The following TEK variants were observed in gnomAD, a reference collection of about 807,000 sequenced individuals.
TEK encodes TEK receptor tyrosine kinase, also known as angiopoietin-1 receptor.
TEK carries 43 observed loss-of-function variants against 131.8 expected under a neutral mutation model. That is an observed-to-expected ratio of 0.33 (90% CI 0.26 to 0.42). The LOEUF (loss-of-function observed/expected upper bound fraction) is 0.42. Ranked by LOEUF, TEK falls within the 10% of genes least tolerant of loss-of-function variation. The pLI, the probability that TEK is intolerant of heterozygous loss-of-function variation, is 1.00. For missense variants in TEK, 1,162 were observed against 1,384.4 expected (o/e 0.84, Z 2.55); for synonymous variants, 580 against 491.6 (o/e 1.18, Z -2.38).
intron 6 of TEK, 70 bp downstream of exon 6, chr9:27,173,432 C>A (rs1824040477): frequency 6.3e-7 from 1 of 1,597,102 alleles, no homozygotes; most frequent in South Asian, 1.1e-5. Flanking sequence ...AGTTTGCTGT[C>A]AATCACAACA....
chr9:27,184,243 A>G (rs1324356796), intron 8 of TEK, among the ~76,000 whole-genome samples: 1 of 152,104 alleles, frequency 6.6e-6, no homozygotes, highest in Non-Finnish European at 1.5e-5. Context: ...CACAGCAGTT[A>G]TTTTTTGTTT....
chr9:27,133,923 G>A (rs1822320867), intron 1 of TEK, among the ~76,000 whole-genome samples: 1 of 152,240 alleles, frequency 6.6e-6, no homozygotes, highest in Non-Finnish European at 1.5e-5. Context: ...ACAGCCCAGA[G>A]CTGGAAGTGA....
In TEK at chr9:27,192,572, G is replaced by C. The variant is rs1186603557; in HGVS notation, c.1573G>C (p.Gly525Arg). 1 of 1,613,818 alleles carries C rather than the reference G, an allele frequency of 6.2e-7. No homozygotes were observed. The highest frequency in any genetic ancestry group is 8.5e-7 in the Non-Finnish European group (1 of 1,179,946). The change falls in exon 11 of 23, where the codon GGT becomes CGT. Residue 525 changes from glycine to arginine, a missense_variant. Coordinates refer to ENST00000380036, the MANE Select transcript of TEK (RefSeq NM_000459.5). ...TGTGCAACTGGTCCGTCGTGGAGAGGGTGGGGAAGGGCATCCTGGACCTGT... is the reference window on the plus strand; with the variant it reads ...TGTGCAACTGGTCCGTCGTGGAGAGCGTGGGGAAGGGCATCCTGGACCTGT... ...LCVQLVRRGE[G>R]GEGHPGPVRR...
intron 3 of TEK, among the ~76,000 whole-genome samples, chr9:27,168,955 G>A (rs1289905196): frequency 7.2e-5 from 11 of 152,210 alleles, no homozygotes. Context: ...AACATGGGAA[G>A]CCAATTGTTA....
chr9:27,150,147 C>T (rs534920286), intron 1 of TEK, among the ~76,000 whole-genome samples: 329 of 152,282 alleles, frequency 2.2e-3, no homozygotes, highest in African/African-American at 7.6e-3. Flanking sequence ...GATGTATATA[C>T]ATTCCATATT....
intron 1 of TEK, among the ~76,000 whole-genome samples, chr9:27,109,992 A>G (rs200192064): frequency 6.1e-4 from 6 of 9,910 alleles, no homozygotes; most frequent in Non-Finnish European, 2.0e-3. Context: ...TTTAAAGAAC[A>G]AACCGGTTTT....
intron 21 of TEK, among the ~76,000 whole-genome samples, chr9:27,220,690 G>A (rs1826028906): frequency 6.6e-6 from 1 of 152,202 alleles, no homozygotes; most frequent in Non-Finnish European, 1.5e-5. Flanking sequence ...GCAAGGGGTT[G>A]GGGAACTCCC....
At chr9:27,182,975 G>A (rs918319329) in intron 7 of TEK, among the ~76,000 whole-genome samples, 3 of 152,208 alleles carry the variant, frequency 2.0e-5, no homozygotes, top group Non-Finnish European at 4.4e-5. Flanking sequence ...CCCAATGAAT[G>A]AGACATCTCT....
At chr9:27,160,305 G>A (rs993267409) in intron 2 of TEK, among the ~76,000 whole-genome samples, 1 of 152,154 alleles carries the variant, frequency 6.6e-6, no homozygotes, top group Non-Finnish European at 1.5e-5. Flanking sequence ...GATTATAGGT[G>A]TGAGCCCACC....
chr9:27,220,056 A>G lies in TEK; in HGVS notation c.3111A>G (p.Thr1037=). The G allele has an allele frequency of 6.2e-7, 1 of 1,614,046 alleles. No individual in the cohort carries two copies. ...GCACTGTTTGTCTTCCAGGAGGCAC[A>G]CCCTACTGCGGGATGACTTGTGCAG... ...LLWEIVSLGG[T]PYCGMTCAEL... Residue 1037 remains threonine, a synonymous_variant, in exon 21 of 23, where the codon ACA becomes ACG. Coordinates refer to ENST00000380036, the MANE Select transcript of TEK (RefSeq NM_000459.5).
At chr9:27,192,428 C>G in intron 10 of TEK, 61 bp from the exon 11 acceptor site, 2 of 1,604,874 alleles carry the variant, frequency 1.2e-6, no homozygotes, top group Non-Finnish European at 1.7e-6. Context: ...TAACAACAAC[C>G]CCGGCTTAAG....
Position 27,192,514 on chromosome 9 carries a change from C to G in TEK, c.1515C>G (p.Asn505Lys), listed in dbSNP as rs1240033514. The change falls in exon 11 of 23, where the codon AAC becomes AAG. Residue 505 changes from asparagine (N) to lysine (K), a missense_variant. Asn to Lys is a moderately conservative substitution (Grantham distance 94, BLOSUM62 0). Transcript: ENST00000380036. ...IQVTNEIVTL[N>K]YLEPRTEYEL... is the part of the protein sequence containing the mutation. ...TGACAAATGAGATTGTTACACTCAA[C>G]TATTTGGAACCTCGGACAGAATATG... 2 of 1,613,962 alleles carry G rather than the reference C, an allele frequency of 1.2e-6. No individual in the cohort carries two copies. The highest frequency in any genetic ancestry group is 1.7e-6 in the Non-Finnish European group (2 of 1,179,930).
intron 1 of TEK, among the ~76,000 whole-genome samples, 192 bp downstream of exon 1, chr9:27,109,834 T>C (rs1821263180): frequency 6.6e-6 from 1 of 152,152 alleles, no homozygotes; most frequent in Non-Finnish European, 1.5e-5. Flanking sequence ...CATGAACTGA[T>C]TTTGCTAGTT....
chr9:27,158,702 C>T (rs1823434026), intron 2 of TEK, among the ~76,000 whole-genome samples: 1 of 150,248 alleles, frequency 6.7e-6, no homozygotes, highest in African/African-American at 2.5e-5. Context: ...ACTCTGTCAC[C>T]GGACTAGAGT....
At chr9:27,184,947 GA>G (rs1360035323) in intron 8 of TEK, among the ~76,000 whole-genome samples, 1 of 151,800 alleles carries the variant, frequency 6.6e-6, no homozygotes, top group Non-Finnish European at 1.5e-5. Context: ...GAGGTGGGGG[GA>G]TCACTTAAGG....
intron 2 of TEK, 111 bp downstream of exon 2, chr9:27,158,253 CT>C (rs1823415664): frequency 8.1e-7 from 1 of 1,233,020 alleles, no homozygotes; most frequent in African/African-American, 1.5e-5. Context: ...GAATGTAGAG[CT>C]TGACGATCTT....
intron 18 of TEK, among the ~76,000 whole-genome samples, chr9:27,216,871 C>G (rs1046419267): frequency 6.6e-6 from 1 of 152,084 alleles, no homozygotes; most frequent in Non-Finnish European, 1.5e-5. Context: ...GGACAAATCT[C>G]CGGGAGGGAG....
chr9:27,117,887 G>A (rs546352903), intron 1 of TEK, among the ~76,000 whole-genome samples: 5 of 152,132 alleles, frequency 3.3e-5, no homozygotes, highest in African/African-American at 1.2e-4. Flanking sequence ...ATGCTTCCTG[G>A]GGGGAGCACT....
chr9:27,149,609 G>A (rs750863416), intron 1 of TEK, among the ~76,000 whole-genome samples: 2 of 151,978 alleles, frequency 1.3e-5, no homozygotes, highest in Admixed American at 6.6e-5. Flanking sequence ...ATCGTTCTCC[G>A]TGAATTGTCA....
Sources: allele counts gnomAD v4.1 joint callset (sites outside exome capture counted in the v4.1 genomes callset), GRCh38; gene constraint gnomAD v4.1.1; transcripts MANE v1.5; gene names NCBI Gene and HGNC (gene_info 2026-07-23, HGNC 2026-07-21).